Variants in PLXNA4 observed in about 807,000 individuals in gnomAD.
PLXNA4 encodes plexin A4.
A neutral mutation model predicts 191.8 loss-of-function variants in PLXNA4; 44 were observed. The ratio of observed to expected loss-of-function variants is 0.23; its 90% CI spans 0.18 to 0.29. PLXNA4 has a LOEUF of 0.29. Among genes scored for constraint, PLXNA4 ranks in the 10% least tolerant of loss-of-function variants. The pLI, the probability that PLXNA4 is intolerant of heterozygous loss-of-function variation, is 1.00. For synonymous variants in PLXNA4, 1,082 were observed against 1,009.5 expected (o/e 1.07, Z -1.36); for missense variants, 1,800 against 2,488.8 (o/e 0.72, Z 5.89).
chr7:132,415,269 G>T (rs1322848544), intron 3 of PLXNA4, among the ~76,000 whole-genome samples: 1 of 152,216 alleles, frequency 6.6e-6, no homozygotes, highest in Non-Finnish European at 1.5e-5. Context: ...CCCAAAGGAG[G>T]AGGAGCCACA....
rs116425336 is a variant in PLXNA4 at position 132,264,646 on chromosome 7, C to A, written c.1504-23480G>T. Among the ~76,000 whole-genome samples, 534 of 151,196 alleles carry A rather than the reference C, an allele frequency of 3.5e-3. 2 individuals are homozygous for A. The highest frequency in any genetic ancestry group is 0.012 in the African/African-American group (476 of 41,204). On this transcript the variant is annotated intron_variant, in intron 4 of 31. Transcript: ENST00000321063. The stretch of plus-strand genomic sequence containing the variant: ...TGAGCTACCTCATCTACTCTTTGGG[C>A]ATCATTTGGCTCTGGGAAATACTGT...
At chr7:132,305,226 A>C (rs1801465125) in intron 3 of PLXNA4, among the ~76,000 whole-genome samples, 1 of 152,144 alleles carries the variant, frequency 6.6e-6, no homozygotes, top group Non-Finnish European at 1.5e-5. Context: ...GCATAGATGC[A>C]TTTCAATATT....
At position 132,210,892 on chromosome 7, in the gene PLXNA4, G is replaced by A. The variant is rs777296730; in HGVS notation, c.2298+51C>T. 19 of 1,574,122 alleles carry A rather than the reference G, an allele frequency of 1.2e-5. No individual in the cohort carries two copies. In the Admixed American group the frequency reaches 2.0e-4, roughly 17 times the overall value. ...TTGGCTCCTAGAAGACAACAGTGAT[G>A]TGGGTGGGACTGGGGCCTGGTTTGG... On this transcript the variant is annotated intron_variant, in intron 10 of 31. Transcript: ENST00000321063.
upstream of PLXNA4, among the ~76,000 whole-genome samples, chr7:132,582,121 T>A (rs1802413201): frequency 6.6e-6 from 1 of 152,196 alleles, no homozygotes; most frequent in African/African-American, 2.4e-5. Flanking sequence ...TCCCGTAGTA[T>A]GCCTGCATTA....
At chr7:132,617,103 G>A (rs913072946) in intron 2 of PLXNA4, among the ~76,000 whole-genome samples, 2 of 152,006 alleles carry the variant, frequency 1.3e-5, no homozygotes, top group South Asian at 4.1e-4. Flanking sequence ...GATATGGGGG[G>A]TTTCGTTACA....
chr7:132,605,492 G>A (rs777366746), intron 2 of PLXNA4, among the ~76,000 whole-genome samples: 1 of 152,144 alleles, frequency 6.6e-6, no homozygotes, highest in African/African-American at 2.4e-5. Flanking sequence ...TCAAGGGCTT[G>A]GAAGCATGAT....
chr7:132,297,708 A>C (rs1801142090), intron 4 of PLXNA4, among the ~76,000 whole-genome samples: 1 of 152,124 alleles, frequency 6.6e-6, no homozygotes, highest in Non-Finnish European at 1.5e-5. Flanking sequence ...TCTTGATCCC[A>C]CAGGCTTCTG....
chr7:132,510,668 G>A (rs999675047), intron 1 of PLXNA4, among the ~76,000 whole-genome samples: 1 of 152,202 alleles, frequency 6.6e-6, no homozygotes, highest in African/African-American at 2.4e-5. Flanking sequence ...GGGTGAGAGA[G>A]GGCAAGGAGC....
At chr7:132,527,165 G>A (rs939873486) in intron 1 of PLXNA4, among the ~76,000 whole-genome samples, 1 of 152,144 alleles carries the variant, frequency 6.6e-6, no homozygotes, top group Non-Finnish European at 1.5e-5. Flanking sequence ...GACCCAATGT[G>A]GCCAAAGCTG....
chr7:132,300,822 G>A (rs1160478662), intron 3 of PLXNA4, among the ~76,000 whole-genome samples: 1 of 152,236 alleles, frequency 6.6e-6, no homozygotes, highest in Non-Finnish European at 1.5e-5. Context: ...GTCGGCCAGA[G>A]CAGGGTCCCC....
chr7:132,332,895 A>G (rs923813383), intron 3 of PLXNA4, among the ~76,000 whole-genome samples: 2 of 151,648 alleles, frequency 1.3e-5, no homozygotes, highest in Admixed American at 1.3e-4. Flanking sequence ...CAGGACATCC[A>G]TGTTTATAGA....
rs534435537 is a variant in PLXNA4 at position 132,127,389 on chromosome 7, G to A, written c.*3090C>T. The A allele has an allele frequency of 2.6e-5, 4 of 152,196 alleles. No homozygotes were observed. The highest frequency in any genetic ancestry group is 9.6e-5 in the African/African-American group (4 of 41,498). The allele number at this position is 152,196 out of a possible 1,614,324, so 9.4% of individuals were successfully genotyped here. A position where few individuals can be genotyped will look rare whatever the true frequency, so the allele number is the denominator to read the frequency against. On this transcript the variant is annotated 3_prime_UTR_variant, in exon 32 of 32. Coordinates refer to ENST00000321063, the MANE Select transcript of PLXNA4 (RefSeq NM_020911.2). ...AAGTTGGCCCAATTCCTTTCTCTGGGAGCCCGCAAGCCACATGGACAGCCC... is the reference window on the plus strand; with the variant it reads ...AAGTTGGCCCAATTCCTTTCTCTGGAAGCCCGCAAGCCACATGGACAGCCC...
chr7:132,225,625 C>G (rs1001089327), intron 8 of PLXNA4, among the ~76,000 whole-genome samples: 8 of 145,182 alleles, frequency 5.5e-5, no homozygotes, highest in Admixed American at 3.4e-4. Flanking sequence ...CGCCCCCCCC[C>G]ACAGCTTTCT....
chr7:132,318,879 A>G (rs1267568255), intron 3 of PLXNA4, among the ~76,000 whole-genome samples: 1 of 142,942 alleles, frequency 7.0e-6, no homozygotes, highest in Admixed American at 6.7e-5. Flanking sequence ...GGTCTTTAAC[A>G]AGTGTGGACT....
intron 2 of PLXNA4, among the ~76,000 whole-genome samples, chr7:132,622,056 G>T (rs1164401746): frequency 2.6e-5 from 4 of 152,082 alleles, no homozygotes; most frequent in African/African-American, 9.7e-5. Context: ...AGACTTCTTG[G>T]TGGTTGTGTA....
At chr7:132,634,872 T>G (rs1803565220) in intron 2 of PLXNA4, among the ~76,000 whole-genome samples, 1 of 152,120 alleles carries the variant, frequency 6.6e-6, no homozygotes, top group African/African-American at 2.4e-5. Context: ...CCAAAGGAGA[T>G]TAACATTTGA....
rs1794849184 is a variant in PLXNA4 at position 132,128,790 on chromosome 7, G to A, written c.*1689C>T. The A allele has an allele frequency of 6.6e-6, 1 of 152,256 alleles. No homozygotes were observed. Among genetic ancestry groups the A allele is most frequent in the Non-Finnish European group, 1.5e-5 (1 of 68,062 alleles). 9.4% of individuals were successfully genotyped at this position (152,256 alleles called of 1,614,324 possible). A position where few individuals can be genotyped will look rare whatever the true frequency, so the allele number is the denominator to read the frequency against. On this transcript the variant is annotated 3_prime_UTR_variant, in exon 32 of 32. Transcript: ENST00000321063. Reference sequence around the variant, plus strand: ...GAATGATGTCTGATGTTTGGGGAGTGAAGGCAAGACTGTGAATCCTTCTCC... The same window carrying A: ...GAATGATGTCTGATGTTTGGGGAGTAAAGGCAAGACTGTGAATCCTTCTCC...
intron 1 of PLXNA4, among the ~76,000 whole-genome samples, chr7:132,564,290 T>C (rs112889180): frequency 0.023 from 2,965 of 128,038 alleles, 163 homozygotes; most frequent in African/African-American, 0.086. Flanking sequence ...TCCTCCTCCT[T>C]CTGCTGCTCC....
chr7:132,231,457 C>T (rs1798519448), intron 5 of PLXNA4, among the ~76,000 whole-genome samples: 1 of 152,134 alleles, frequency 6.6e-6, no homozygotes, highest in African/African-American at 2.4e-5. Context: ...CAGAGTCTGG[C>T]TCTGTAGCCC....
Sources: allele counts gnomAD v4.1 joint callset (sites outside exome capture counted in the v4.1 genomes callset), GRCh38; gene constraint gnomAD v4.1.1; transcripts MANE v1.5; gene names NCBI Gene and HGNC (gene_info 2026-07-23, HGNC 2026-07-21).